GTF2IRD1: variants seen among roughly 807,000 people sequenced by gnomAD.
GTF2IRD1 encodes general transcription factor II-I repeat domain-containing protein 1.
GTF2IRD1 carries 26 observed loss-of-function variants against 113.2 expected under a neutral mutation model. That is an observed-to-expected ratio of 0.23 (90% confidence interval 0.17 to 0.32). The LOEUF is 0.32. Among genes scored for constraint, GTF2IRD1 ranks in the 10% least tolerant of loss-of-function variants. The probability of loss-of-function intolerance (pLI) is 1.00; values close to 1 mark genes in which losing one functional copy is unlikely to be tolerated. For synonymous variants in GTF2IRD1, 484 were observed against 529.1 expected, an observed-to-expected ratio of 0.91 and a Z score of 1.17; for missense variants, 864 against 1,280.8, an observed-to-expected ratio of 0.67 and a Z score of 4.97.
At chr7:74,496,534 T>C (rs1304313976) in intron 1 of GTF2IRD1, among the ~76,000 whole-genome samples, 6 of 145,794 alleles carry the variant, frequency 4.1e-5, no homozygotes, top group Non-Finnish European at 9.0e-5. Context: ...GGTGTGCATG[T>C]ATGTGTGGGT....
chr7:74,463,183 C>T (rs1321354965), intron 1 of GTF2IRD1, among the ~76,000 whole-genome samples: 1 of 152,118 alleles, frequency 6.6e-6, no homozygotes, highest in South Asian at 2.1e-4. Context: ...TAGGATCAAA[C>T]GGAACAGGGC....
At chr7:74,585,229 A>T (rs1554367399) in intron 22 of GTF2IRD1, among the ~76,000 whole-genome samples, 1 of 146,404 alleles carries the variant, frequency 6.8e-6, no homozygotes, top group Non-Finnish European at 1.5e-5. Context: ...CTCCTGCTTC[A>T]GCCTCCTGAG....
intron 25 of GTF2IRD1, among the ~76,000 whole-genome samples, chr7:74,599,344 C>T (rs587634368): frequency 6.6e-6 from 1 of 152,278 alleles, no homozygotes; most frequent in South Asian, 2.1e-4. Context: ...CCAATCAGGA[C>T]GTGCTGCTCA....
chr7:74,574,150 A>ATTTTTTTTTTTTTT (rs71094796), intron 22 of GTF2IRD1, among the ~76,000 whole-genome samples: 37 of 104,820 alleles, frequency 3.5e-4, no homozygotes, highest in Non-Finnish European at 4.5e-4. Flanking sequence ...CACCAAGCTA[A>ATTTTTTTTTTTTTT]TTTTTTTTTT....
At chr7:74,490,107 C>G (rs1184398222) in intron 1 of GTF2IRD1, among the ~76,000 whole-genome samples, 1 of 152,100 alleles carries the variant, frequency 6.6e-6, no homozygotes, top group African/African-American at 2.4e-5. Flanking sequence ...GCTGGGACAA[C>G]AGGCACGCAC....
At chr7:74,525,125 C>T (rs1449166082) in intron 8 of GTF2IRD1, among the ~76,000 whole-genome samples, 3 of 152,202 alleles carry the variant, frequency 2.0e-5, no homozygotes, top group Admixed American at 2.0e-4. Context: ...TGCAAGTCCC[C>T]CACAGTAACA....
At chr7:74,586,815 G>C (rs1196510484) in intron 22 of GTF2IRD1, among the ~76,000 whole-genome samples, 2 of 152,188 alleles carry the variant, frequency 1.3e-5, no homozygotes, top group Non-Finnish European at 2.9e-5. Flanking sequence ...TCCCAAGGCA[G>C]CCTCCTAAAC....
chr7:74,507,666 C>A, intron 1 of GTF2IRD1: 1 of 181,166 alleles, frequency 5.5e-6, no homozygotes, highest in Non-Finnish European at 1.2e-5. Flanking sequence ...GAGTGAGGGA[C>A]AGGAGACCAG....
intron 13 of GTF2IRD1, among the ~76,000 whole-genome samples, chr7:74,539,149 T>C (rs1798481698): frequency 6.6e-6 from 1 of 152,136 alleles, no homozygotes; most frequent in African/African-American, 2.4e-5. Context: ...GGGTGACTGT[T>C]AGAAGCCAAG....
intron 8 of GTF2IRD1, 129 bp from the exon 9 acceptor site, chr7:74,529,605 A>T (rs1489372946): frequency 3.7e-5 from 25 of 674,024 alleles, no homozygotes; most frequent in Non-Finnish European, 5.1e-6. Flanking sequence ...TTTCTGCAGG[A>T]TCCCTCTGGC....
intron 22 of GTF2IRD1, among the ~76,000 whole-genome samples, chr7:74,579,384 G>C (rs1464779301): frequency 6.6e-6 from 1 of 152,084 alleles, no homozygotes; most frequent in Non-Finnish European, 1.5e-5. Flanking sequence ...TTGGGAGACC[G>C]AGGCAGGCGG....
intron 22 of GTF2IRD1, among the ~76,000 whole-genome samples, chr7:74,568,678 A>G (rs1800496711): frequency 2.0e-5 from 3 of 152,138 alleles, no homozygotes; most frequent in Non-Finnish European, 4.4e-5. Context: ...AGAAAAAGAA[A>G]GAAACAGGAT....
At chr7:74,494,590 G>A (rs1382427803) in intron 1 of GTF2IRD1, among the ~76,000 whole-genome samples, 2 of 152,146 alleles carry the variant, frequency 1.3e-5, no homozygotes, top group East Asian at 3.9e-4. Context: ...AGAATTAGAT[G>A]ACACCACTTG....
At chr7:74,595,828 G>A (rs1382133354) in intron 25 of GTF2IRD1, 1 of 152,500 alleles carries the variant, frequency 6.6e-6, no homozygotes, top group Admixed American at 6.5e-5. Context: ...GTAGCAGAGG[G>A]GTAGCACGTG....
intron 22 of GTF2IRD1, among the ~76,000 whole-genome samples, chr7:74,572,074 C>T (rs1554362819): frequency 1.3e-5 from 2 of 152,180 alleles, no homozygotes; most frequent in Non-Finnish European, 2.9e-5. Flanking sequence ...CCTCTTTGAT[C>T]TCCTGCTAAG....
chr7:74,575,556 G>C (rs1800991595), intron 22 of GTF2IRD1, among the ~76,000 whole-genome samples: 1 of 152,254 alleles, frequency 6.6e-6, no homozygotes, highest in Non-Finnish European at 1.5e-5. Flanking sequence ...TAATAATCCA[G>C]GCGACGCCTG....
At chr7:74,517,248 T>C (rs1272133017) in intron 4 of GTF2IRD1, among the ~76,000 whole-genome samples, 1 of 151,340 alleles carries the variant, frequency 6.6e-6, no homozygotes. Flanking sequence ...GGTCTCAAAC[T>C]CCTGACCTCA....
chr7:74,508,949 T>C (rs1382349228), intron 2 of GTF2IRD1, among the ~76,000 whole-genome samples: 2 of 152,116 alleles, frequency 1.3e-5, no homozygotes, highest in Admixed American at 6.6e-5. Flanking sequence ...ATCACTCCCC[T>C]GGCGCTATTG....
chr7:74,548,766 T>G (rs1799112097), intron 17 of GTF2IRD1, among the ~76,000 whole-genome samples: 1 of 152,050 alleles, frequency 6.6e-6, no homozygotes, highest in African/African-American at 2.4e-5. Context: ...TAGCTGGGCA[T>G]GATGGTGCAC....
Sources: allele counts gnomAD v4.1 joint callset (sites outside exome capture counted in the v4.1 genomes callset), GRCh38; gene constraint gnomAD v4.1.1; transcripts MANE v1.5; gene names NCBI Gene and HGNC (gene_info 2026-07-23, HGNC 2026-07-21).